The following CHD3 variants were observed in gnomAD, a reference collection of about 807,000 sequenced individuals.
CHD3 encodes the protein chromodomain helicase DNA binding protein 3.
CHD3 carries 52 observed loss-of-function variants against 248.9 expected under a neutral mutation model. The observed-to-expected ratio is 0.21, with a 90% CI of 0.17 to 0.26. CHD3 has a LOEUF of 0.26. Among genes scored for constraint, CHD3 ranks in the 10% least tolerant of loss-of-function variants. The pLI, the probability that CHD3 is intolerant of heterozygous loss-of-function variation, is 1.00. For synonymous variants in CHD3, 985 were observed against 985.2 expected (o/e 1.00, Z 0.00); for missense variants, 1,482 against 2,605.8 (o/e 0.57, Z 9.39).
At chr17:7,885,182 G>A (rs1354086984), upstream of CHD3, 1 of 977,244 alleles carries the variant, frequency 1.0e-6, no homozygotes, top group Non-Finnish European at 1.2e-6. Context: ...CCGAGCCGAG[G>A]CGAATCCGGA....
At chr17:7,896,227 CA>C (rs750972677) in intron 10 of CHD3, among the ~76,000 whole-genome samples, 3,639 of 57,906 alleles carry the variant, frequency 0.063, 37 homozygotes, top group African/African-American at 0.1. Context: ...CACTCTATCT[CA>C]AAAAAAAAAA....
chr17:7,898,957 A>G, intron 13 of CHD3, 54 bp from the exon 14 acceptor site: 3 of 1,491,246 alleles, frequency 2.0e-6, no homozygotes, highest in Non-Finnish European at 2.8e-6. Flanking sequence ...AGAGACTAAG[A>G]CTGGAGGAGC....
At chr17:7,901,516 T>G (rs1304684451) in intron 20 of CHD3, 141 bp downstream of exon 20, 2 of 787,056 alleles carry the variant, frequency 2.5e-6, no homozygotes, top group Admixed American at 3.6e-5. Flanking sequence ...TTTTTTTTTT[T>G]TTTTTTTTTT....
chr17:7,887,904 C>G (rs374932223), upstream of CHD3, among the ~76,000 whole-genome samples: 2 of 152,364 alleles, frequency 1.3e-5, no homozygotes, highest in African/African-American at 4.8e-5. Context: ...CTCGCTTTGC[C>G]TCTCCCGCCA....
At chr17:7,886,604 C>G (rs896401207), upstream of CHD3, among the ~76,000 whole-genome samples, 1 of 152,086 alleles carries the variant, frequency 6.6e-6, no homozygotes, top group Non-Finnish European at 1.5e-5. This position sits in a 1 kb window ranked among gnomAD's most constrained non-coding sequence, Gnocchi z 4.2. Flanking sequence ...TCCCCGCCCC[C>G]CAAGCTTGTC....
chr17:7,901,058 G>A, intron 19 of CHD3, 65 bp downstream of exon 19: 2 of 1,576,356 alleles, frequency 1.3e-6, no homozygotes, highest in Non-Finnish European at 1.7e-6. Flanking sequence ...GGGGAGTAGT[G>A]GGGAGGTGGG....
rs200160738 is a variant in CHD3 at position 7,909,379 on chromosome 17, C to T, written c.5590+41C>T. 3.1e-5 allele frequency: 47 copies of T among 1,506,564 alleles called. No homozygotes were observed. Among genetic ancestry groups the T allele is most frequent in the African/African-American group, 6.9e-5 (5 of 71,998 alleles). 93.3% of individuals were successfully genotyped at this position (1,506,564 alleles called of 1,614,324 possible). The stretch of plus-strand genomic sequence containing the variant: ...GCCCCGCGCGGGGGAGGGCCCACAA[C>T]GCTGCGTAAGTCTTCACCCCGCACC... On this transcript the variant is annotated intron_variant, in intron 37 of 39. Transcript: ENST00000330494. The surrounding 1 kb of genome is among the most constrained non-coding windows in gnomAD (Gnocchi z 8.1).
chr17:7,885,170 G>T, upstream of CHD3: 1 of 980,900 alleles, frequency 1.0e-6, no homozygotes, highest in Non-Finnish European at 1.2e-6. Flanking sequence ...CCCACCGCGC[G>T]GCCGAGCCGA....
upstream of CHD3, chr17:7,885,075 C>T (rs1172925354): frequency 3.0e-6 from 3 of 987,610 alleles, 1 homozygote; most frequent in Admixed American, 1.3e-4. Context: ...CCGCCGCCCC[C>T]GCCGCCAGGT....
intron 10 of CHD3, among the ~76,000 whole-genome samples, chr17:7,896,139 A>C (rs1462902269): frequency 6.6e-6 from 1 of 150,606 alleles, no homozygotes; most frequent in East Asian, 2.0e-4. Flanking sequence ...GAGACAGGAG[A>C]ATGGCGTGAA....
chr17:7,900,199 G>A lies in CHD3; in HGVS notation c.2683-91G>A. The A allele has an allele frequency of 6.5e-7, 1 of 1,544,334 alleles. No homozygotes were observed. The highest frequency in any genetic ancestry group is 8.7e-7 in the Non-Finnish European group (1 of 1,151,014). On this transcript the variant is annotated intron_variant, in intron 16 of 39. Transcript: ENST00000330494. The surrounding 1 kb of genome is among the most constrained non-coding windows in gnomAD (Gnocchi z 6.5). The stretch of plus-strand genomic sequence containing the variant: ...TGGGGCCTCTGATCCTGAGTGAAAT[G>A]GGAGCTGGGGCAGGGAAAGGCTGAT...
upstream of CHD3, chr17:7,888,747 T>C (rs1968383184): frequency 7.9e-7 from 1 of 1,269,086 alleles, no homozygotes; most frequent in African/African-American, 1.5e-5. Context: ...TGCGCGCGCG[T>C]GCTTTTGAGA....
In CHD3 at chr17:7,904,269, G is replaced by A; in HGVS notation, c.3895-173G>A. ...GAAAACATGAGGAGAGCACATTGCA[G>A]GTAAGAGATGGCATGGAACATGCGC... is the stretch of plus-strand genomic sequence containing the variant. On this transcript the variant is annotated intron_variant, in intron 24 of 39. Transcript: ENST00000330494. This position sits in a 1 kb window ranked among gnomAD's most constrained non-coding sequence, Gnocchi z 4.4. 1 of 644,284 alleles carries A rather than the reference G, an allele frequency of 1.6e-6. No individual in the cohort carries two copies. Among genetic ancestry groups the A allele is most frequent in the Non-Finnish European group, 2.7e-6 (1 of 369,136 alleles). 39.9% of individuals were successfully genotyped at this position (644,284 alleles called of 1,614,324 possible).
In CHD3 at chr17:7,907,336, C is replaced by G. The variant is rs756910211; in HGVS notation, c.4789-17C>G. On this transcript the variant is annotated splice_polypyrimidine_tract_variant and intron_variant, in intron 31 of 39. Coordinates refer to ENST00000330494, the MANE Select transcript of CHD3 (RefSeq NM_001005273.3). The surrounding 1 kb of genome is among the most constrained non-coding windows in gnomAD (Gnocchi z 4.3). ...GGGAGCCCTCTGGCTCATCCTGACC[C>G]CATTGTCCTCTTCCAGGCTGATGCC... 6.2e-7 allele frequency: 1 copy of G among 1,608,682 alleles called. No individual in the cohort carries two copies. The highest frequency in any genetic ancestry group is 8.5e-7 in the Non-Finnish European group (1 of 1,177,126).
At position 7,910,481 on chromosome 17, in the gene CHD3, C is replaced by T. The variant is rs1371458949; in HGVS notation, c.5644C>T (p.Leu1882=). 2 of 1,614,024 alleles carry T rather than the reference C, an allele frequency of 1.2e-6. No homozygotes were observed. The highest frequency in any genetic ancestry group is 3.3e-5 in the Admixed American group (2 of 60,006). The change falls in exon 38 of 40, where the codon CTG becomes TTG. Residue 1882 remains leucine, a synonymous_variant. Transcript: ENST00000330494. This position sits in a 1 kb window ranked among gnomAD's most constrained non-coding sequence, Gnocchi z 4.7. The part of the protein sequence containing the change: ...LSDMKADVTR[L]PATLSRIPPI... Reference sequence around the variant, plus strand: ...CGACATGAAGGCGGACGTGACCCGCCTGCCAGCCACGCTGTCCCGAATACC... The same window carrying T: ...CGACATGAAGGCGGACGTGACCCGCTTGCCAGCCACGCTGTCCCGAATACC...
chr17:7,895,688 T>A lies in CHD3; in HGVS notation c.1707+146T>A, dbSNP rs1969539576. ...GCCTTCATACCCTACTTGCTTAGTT[T>A]CCATATGTGGTTCTTTTGGTCTACA... On this transcript the variant is annotated intron_variant, in intron 10 of 39. Transcript: ENST00000330494. The surrounding 1 kb of genome is among the most constrained non-coding windows in gnomAD (Gnocchi z 4.9). 2.9e-6 allele frequency: 2 copies of A among 685,512 alleles called. No homozygotes were observed. The highest frequency in any genetic ancestry group is 5.4e-5 in the East Asian group (2 of 37,328). 42.5% of individuals were successfully genotyped at this position (685,512 alleles called of 1,614,324 possible).
chr17:7,899,837 G>T lies in CHD3; in HGVS notation c.2545-59G>T. On this transcript the variant is annotated intron_variant, in intron 15 of 39. Transcript: ENST00000330494. The surrounding 1 kb of genome is among the most constrained non-coding windows in gnomAD (Gnocchi z 6.8). ...CAGTCAGGACAAGGTGTCTGGTTCT[G>T]GAGGTGTAGGTGCATGGTTGTCAGG... The T allele has an allele frequency of 1.3e-6, 2 of 1,588,316 alleles. No homozygotes were observed. The highest frequency in any genetic ancestry group is 2.3e-5 in the South Asian group (2 of 88,672).
Position 7,900,825 on chromosome 17 carries a change from C to A in CHD3, c.2979-27C>A, listed in dbSNP as rs1597969514. ...ATAATTGCTTCCTTTATTTATGTTT[C>A]TTTTACACCCCTTTCCTGGCCTTTA... On this transcript the variant is annotated intron_variant, in intron 18 of 39. Transcript: ENST00000330494. This position sits in a 1 kb window ranked among gnomAD's most constrained non-coding sequence, Gnocchi z 6.5. The A allele has an allele frequency of 1.2e-6, 2 of 1,612,716 alleles. No homozygotes were observed. Among genetic ancestry groups the A allele is most frequent in the Non-Finnish European group, 1.7e-6 (2 of 1,179,152 alleles).
Position 7,904,078 on chromosome 17 carries a change from C to A in CHD3, c.3894+87C>A. ...TTACTCAGCCTTGAAGTAGGAGGGT[C>A]TGTCCCCCTTAAAACAGTAGTGGAC... On this transcript the variant is annotated intron_variant, in intron 24 of 39. Coordinates refer to ENST00000330494, the MANE Select transcript of CHD3 (RefSeq NM_001005273.3). The surrounding 1 kb of genome is among the most constrained non-coding windows in gnomAD (Gnocchi z 4.4). The A allele has an allele frequency of 7.0e-7, 1 of 1,422,262 alleles. No individual in the cohort carries two copies. The highest frequency in any genetic ancestry group is 1.3e-5 in the South Asian group (1 of 78,876). The allele number at this position is 1,422,262 out of a possible 1,614,324, so 88.1% of individuals were successfully genotyped here.
Sources: gnomAD v4.1 joint callset for allele counts (sites outside exome capture counted in the v4.1 genomes callset) on GRCh38, gnomAD v4.1.1 for gene constraint, Gnocchi (gnomAD v3.1) non-coding constraint, MANE v1.5 for transcripts, NCBI Gene and HGNC (gene_info 2026-07-23, HGNC 2026-07-21) for gene names.